Variants in TAOK3 observed in about 807,000 individuals in gnomAD.
TAOK3 encodes the protein serine/threonine-protein kinase TAO3.
In TAOK3, 40 loss-of-function variants were observed where a neutral mutation model predicts 120.4. That is an observed-to-expected ratio of 0.33 (90% confidence interval 0.26 to 0.43). The LOEUF (loss-of-function observed/expected upper bound fraction) is 0.43. Among genes scored for constraint, TAOK3 ranks in the 20% least tolerant of loss-of-function variants. The probability of loss-of-function intolerance (pLI) is 1.00; values close to 1 mark genes in which losing one functional copy is unlikely to be tolerated. For missense variants in TAOK3, 821 were observed against 1,112.1 expected (o/e 0.74, Z 3.72); for synonymous variants, 355 against 387.5 (o/e 0.92, Z 0.99).
intron 1 of TAOK3, among the ~76,000 whole-genome samples, chr12:118,269,383 CTTTTTTTTTTTT>C (rs1174725563): frequency 9.6e-6 from 1 of 103,888 alleles, no homozygotes; most frequent in Non-Finnish European, 1.9e-5. Flanking sequence ...TCTCTCTCTT[CTTTTTTTTTTTT>C]TTTTTTTTTT....
intron 9 of TAOK3, among the ~76,000 whole-genome samples, chr12:118,229,245 C>T (rs1049417244): frequency 2.0e-5 from 3 of 151,956 alleles, no homozygotes; most frequent in East Asian, 1.9e-4. Context: ...GGATTATAGG[C>T]GTGCATCACC....
intron 9 of TAOK3, among the ~76,000 whole-genome samples, chr12:118,232,955 A>G (rs1442757470): frequency 6.6e-6 from 1 of 152,120 alleles, no homozygotes; most frequent in Non-Finnish European, 1.5e-5. Context: ...ATGCACACGC[A>G]TGTTTATTGT....
At chr12:118,253,202 G>A (rs191717707) in intron 3 of TAOK3, among the ~76,000 whole-genome samples, 7 of 152,278 alleles carry the variant, frequency 4.6e-5, no homozygotes, top group Non-Finnish European at 8.8e-5. Flanking sequence ...GATTTGGCTA[G>A]AAGCAAAAGG....
At chr12:118,172,422 A>G in intron 17 of TAOK3, 35 bp downstream of exon 17, 2 of 1,604,628 alleles carry the variant, frequency 1.2e-6, no homozygotes, top group Non-Finnish European at 1.7e-6. Context: ...ATTGTCTCCT[A>G]TGTCAATGAC....
At chr12:118,241,926 C>A (rs1438147623) in intron 5 of TAOK3, among the ~76,000 whole-genome samples, 1 of 152,042 alleles carries the variant, frequency 6.6e-6, no homozygotes, top group Non-Finnish European at 1.5e-5. Context: ...GCCTGACCAA[C>A]ATGGAGAAAC....
At chr12:118,324,715 CA>C (rs1169032684) in intron 1 of TAOK3, among the ~76,000 whole-genome samples, 1 of 143,450 alleles carries the variant, frequency 7.0e-6, no homozygotes, top group Non-Finnish European at 1.5e-5. Context: ...CATGTTGTTG[CA>C]AAGGACAGAA....
intron 1 of TAOK3, among the ~76,000 whole-genome samples, chr12:118,277,496 C>T (rs996048384): frequency 6.6e-6 from 1 of 151,556 alleles, no homozygotes; most frequent in Non-Finnish European, 1.5e-5. Flanking sequence ...AGTCTTGCTC[C>T]GTCGCCCAGG....
At chr12:118,304,521 T>C (rs2042982203) in intron 1 of TAOK3, among the ~76,000 whole-genome samples, 1 of 152,188 alleles carries the variant, frequency 6.6e-6, no homozygotes, top group Non-Finnish European at 1.5e-5. Context: ...AAAATTACCA[T>C]AATTTATGCT....
chr12:118,164,350 G>GAAAC lies in TAOK3; in HGVS notation c.1900-2327_1900-2324dup, dbSNP rs1030149400. 5.7e-4 allele frequency among the ~76,000 whole-genome samples: 86 copies of GAAAC among 151,686 alleles called. 1 individual carries two copies. The East Asian group carries it at 8.1e-3, about 14-fold the overall frequency. On this transcript the variant is annotated intron_variant, in intron 17 of 20. Transcript: ENST00000392533. Reference sequence around the variant, plus strand: ...TCAAAAAAAACAGAAAAACAACAACGAAACAAACAAACAAACAAAAGAACG... The same window carrying GAAAC: ...TCAAAAAAAACAGAAAAACAACAACGAAACAAACAAACAAACAAACAAAAGAACG...
chr12:118,194,728 G>T (rs1162343236), intron 13 of TAOK3, among the ~76,000 whole-genome samples: 1 of 151,060 alleles, frequency 6.6e-6, no homozygotes, highest in Non-Finnish European at 1.5e-5. Context: ...TAAAGCTTTA[G>T]GAGTCAGGGT....
intron 8 of TAOK3, among the ~76,000 whole-genome samples, chr12:118,234,733 C>A (rs1177715671): frequency 6.6e-6 from 1 of 152,122 alleles, no homozygotes; most frequent in African/African-American, 2.4e-5. Flanking sequence ...AATTAAACAA[C>A]ATGAAAAATA....
intron 13 of TAOK3, among the ~76,000 whole-genome samples, chr12:118,193,907 T>C (rs983151004): frequency 4.6e-5 from 7 of 152,230 alleles, no homozygotes; most frequent in African/African-American, 1.7e-4. Context: ...TAAATGTCGT[T>C]TGAAAAATCT....
rs1349024029 is a variant in TAOK3, at chr12:118,161,577, G to A, written c.2139+211C>T. On this transcript the variant is annotated intron_variant, in intron 18 of 20. Coordinates refer to ENST00000392533, the MANE Select transcript of TAOK3 (RefSeq NM_016281.4). This position sits in a 1 kb window ranked among gnomAD's most constrained non-coding sequence, Gnocchi z 4.5. ...ATATGATGACAAATTGATAGATAAT[G>A]TAGTATAATAATAGTTTCCAAACCA... 6.6e-6 allele frequency among the ~76,000 whole-genome samples: 1 copy of A among 152,226 alleles called. No homozygotes were observed. The highest frequency in any genetic ancestry group is 2.1e-4 in the South Asian group (1 of 4,836).
At position 118,150,813 on chromosome 12, in the gene TAOK3, A is replaced by C; in HGVS notation, c.*184T>G. On this transcript the variant is annotated 3_prime_UTR_variant, in exon 21 of 21. Transcript: ENST00000392533. The stretch of plus-strand genomic sequence containing the variant: ...CAGCACTGAAAGTTGACACGGGGGG[A>C]GGAAGGGGGCCCCTGATGGAGTAAG... 1.6e-6 allele frequency: 1 copy of C among 625,238 alleles called. No homozygotes were observed. Among genetic ancestry groups the C allele is most frequent in the Non-Finnish European group, 2.6e-6 (1 of 377,842 alleles). The allele number at this position is 625,238 out of a possible 1,614,324, so 38.7% of individuals were successfully genotyped here. A position where few individuals can be genotyped will look rare whatever the true frequency, so the allele number is the denominator to read the frequency against.
chr12:118,258,823 G>A (rs1479690270), intron 2 of TAOK3, among the ~76,000 whole-genome samples: 1 of 151,826 alleles, frequency 6.6e-6, no homozygotes, highest in Non-Finnish European at 1.5e-5. Context: ...GAGACTATAC[G>A]TAAAAGGGAA....
intron 7 of TAOK3, 99 bp from the exon 8 acceptor site, chr12:118,235,770 GAACA>G (rs568803392): frequency 5.5e-5 from 41 of 741,248 alleles, no homozygotes; most frequent in East Asian, 1.4e-4. Flanking sequence ...TTATTTAAAC[GAACA>G]AACAAACAAA....
At chr12:118,174,951 C>T (rs185333317) in intron 16 of TAOK3, among the ~76,000 whole-genome samples, 27 of 152,212 alleles carry the variant, frequency 1.8e-4, no homozygotes, top group African/African-American at 6.3e-4. Flanking sequence ...CATGAGCCAC[C>T]GTGCCCAGCC....
At chr12:118,311,022 T>C (rs1213627274) in intron 1 of TAOK3, among the ~76,000 whole-genome samples, 1 of 152,226 alleles carries the variant, frequency 6.6e-6, no homozygotes, top group Non-Finnish European at 1.5e-5. Flanking sequence ...TCTATGACCC[T>C]ACAGTGTTTC....
chr12:118,262,871 A>G (rs1441327931), intron 2 of TAOK3, among the ~76,000 whole-genome samples: 1 of 152,016 alleles, frequency 6.6e-6, no homozygotes, highest in Admixed American at 6.6e-5. Flanking sequence ...CAATGCGACA[A>G]AGGATATATA....
Sources: allele counts gnomAD v4.1 joint callset (sites outside exome capture counted in the v4.1 genomes callset), GRCh38; gene constraint gnomAD v4.1.1; non-coding constraint Gnocchi (gnomAD v3.1); transcripts MANE v1.5; gene names NCBI Gene and HGNC (gene_info 2026-07-23, HGNC 2026-07-21).